The following CCNT2 variants were observed in gnomAD, a reference collection of about 807,000 sequenced individuals.
The protein encoded by CCNT2 is cyclin-T2.
A neutral mutation model predicts 70.0 loss-of-function variants in CCNT2; 18 were observed. The observed-to-expected ratio is 0.26, with a 90% CI of 0.18 to 0.38. The LOEUF (loss-of-function observed/expected upper bound fraction) is 0.38, where lower values mean the gene tolerates loss of function less well. CCNT2 is among the 10% of genes least tolerant of loss of function. The probability of loss-of-function intolerance (pLI) is 1.00; values close to 1 mark genes in which losing one functional copy is unlikely to be tolerated. For synonymous variants in CCNT2, 334 were observed against 313.3 expected (o/e 1.07, Z -0.70); for missense variants, 734 against 890.2 (o/e 0.82, Z 2.23).
rs1242141528 is a variant in CCNT2 at position 134,950,474 on chromosome 2, A to G, written c.704-2167A>G. On this transcript the variant is annotated intron_variant, in intron 7 of 8. Transcript: ENST00000264157. The stretch of plus-strand genomic sequence containing the variant: ...AGCAACATGGCAAAACCACGTTTCT[A>G]CTAAAAATACACACAAACCGGGCAT... Among the ~76,000 whole-genome samples, 4 of 152,262 alleles carry G rather than the reference A, an allele frequency of 2.6e-5. No homozygotes were observed. In the East Asian group the frequency reaches 7.7e-4, roughly 29 times the overall value.
At chr2:134,928,396 A>G (rs952077969) in intron 2 of CCNT2, among the ~76,000 whole-genome samples, 1 of 148,970 alleles carries the variant, frequency 6.7e-6, no homozygotes, top group African/African-American at 2.5e-5. Flanking sequence ...CTCTTGCCTC[A>G]GCCTCCCAAG....
chr2:134,935,364 C>T (rs1681071313), intron 2 of CCNT2, among the ~76,000 whole-genome samples: 2 of 152,232 alleles, frequency 1.3e-5, no homozygotes, highest in Non-Finnish European at 2.9e-5. Flanking sequence ...TTCATTTACA[C>T]ATCTGCAAAT....
intron 2 of CCNT2, among the ~76,000 whole-genome samples, chr2:134,927,030 A>C (rs1187178245): frequency 1.3e-5 from 2 of 152,226 alleles, no homozygotes; most frequent in Non-Finnish European, 2.9e-5. Context: ...GTGTAAGATG[A>C]AGTTGATTTT....
intron 1 of CCNT2, 115 bp downstream of exon 1, chr2:134,919,127 C>T (rs143090480): frequency 5.8e-6 from 7 of 1,208,612 alleles, no homozygotes; most frequent in South Asian, 3.0e-5. Flanking sequence ...CTCGGCGCCG[C>T]GGTCAGGGAA....
chr2:134,926,626 C>T (rs1680321210), intron 2 of CCNT2, among the ~76,000 whole-genome samples: 1 of 152,252 alleles, frequency 6.6e-6, no homozygotes, highest in African/African-American at 2.4e-5. Context: ...CCATGATTTC[C>T]AGTGAATGTC....
intron 4 of CCNT2, among the ~76,000 whole-genome samples, chr2:134,940,730 T>TA (rs1681520936): frequency 6.6e-6 from 1 of 152,168 alleles, no homozygotes; most frequent in Non-Finnish European, 1.5e-5. Context: ...TTCTGGCATA[T>TA]TTTTACCGTA....
intron 7 of CCNT2, among the ~76,000 whole-genome samples, chr2:134,952,378 G>GA (rs1682587285): frequency 6.6e-6 from 1 of 151,256 alleles, no homozygotes; most frequent in Admixed American, 6.6e-5. Context: ...TATTGGGGGG[G>GA]TGATTATTTT....
chr2:134,947,477 T>G (rs1309293434), intron 6 of CCNT2, among the ~76,000 whole-genome samples: 2 of 152,156 alleles, frequency 1.3e-5, no homozygotes, highest in Non-Finnish European at 2.9e-5. Flanking sequence ...TACTTCAATT[T>G]TAGATGTAAA....
intron 2 of CCNT2, among the ~76,000 whole-genome samples, chr2:134,927,973 C>T (rs961929121): frequency 3.3e-5 from 5 of 152,174 alleles, no homozygotes; most frequent in Admixed American, 2.0e-4. Context: ...GGAGCTGATA[C>T]AGAAAAGAAA....
chr2:134,922,438 A>G (rs2105010464), intron 2 of CCNT2, among the ~76,000 whole-genome samples: 2 of 152,362 alleles, frequency 1.3e-5, no homozygotes, highest in South Asian at 4.1e-4. Flanking sequence ...TAAGAATAAA[A>G]TCAGTATCAG....
chr2:134,936,169 G>T (rs1681139111), intron 2 of CCNT2, among the ~76,000 whole-genome samples: 1 of 147,374 alleles, frequency 6.8e-6, no homozygotes. Context: ...TTTTTTTTCA[G>T]GTATAGCATC....
chr2:134,953,765 A>G lies in CCNT2; in HGVS notation c.1310A>G (p.Asp437Gly), dbSNP rs780955003. 1.9e-6 allele frequency: 3 copies of G among 1,614,130 alleles called. No individual in the cohort carries two copies. Among genetic ancestry groups the G allele is most frequent in the South Asian group, 2.2e-5 (2 of 91,084 alleles). Residue 437 changes from aspartate (D) to glycine (G), a missense_variant, in exon 9 of 9, where the codon GAT becomes GGT. Coordinates refer to ENST00000264157, the MANE Select transcript of CCNT2 (RefSeq NM_058241.3). ...ATAATTCCTCAGAAAATGTCTTTAG[A>G]TAAATATAGAGAAAAGCGTAAACTA... ...PGIIPQKMSL[D>G]KYREKRKLET... is the part of the protein sequence containing the mutation.
chr2:134,953,167 A>G, intron 8 of CCNT2, 63 bp from the exon 9 acceptor site: 1 of 1,166,648 alleles, frequency 8.6e-7, no homozygotes. Context: ...CTTTTATAAG[A>G]CAAGAAATTT....
chr2:134,947,416 A>C lies in CCNT2; in HGVS notation c.540-320A>C, dbSNP rs568959412. On this transcript the variant is annotated intron_variant, in intron 6 of 8. Transcript: ENST00000264157. The stretch of plus-strand genomic sequence containing the variant: ...AATACCACAAAAAATTTACAGTGTT[A>C]TCTATATAGTGATTATTGCAAATAT... 3.3e-5 allele frequency among the ~76,000 whole-genome samples: 5 copies of C among 152,312 alleles called. No homozygotes were observed. The South Asian group carries it at 1.0e-3, about 32-fold the overall frequency.
rs138252014 is a variant in CCNT2, at chr2:134,937,096, G to T, written c.369+127G>T. The T allele has an allele frequency of 5.2e-4, 292 of 556,958 alleles. 1 individual carries two copies. The highest frequency in any genetic ancestry group is 5.0e-3 in the African/African-American group (260 of 51,590). The allele number at this position is 556,958 out of a possible 1,614,324, so 34.5% of individuals were successfully genotyped here. A position where few individuals can be genotyped will look rare whatever the true frequency, so the allele number is the denominator to read the frequency against. On this transcript the variant is annotated intron_variant, in intron 3 of 8. Transcript: ENST00000264157. ...ATGCTGCTTGTTTTATTACCTCTTAGGAATGCAATGCCAGGAAGCAGTCTG... is the reference window on the plus strand; with the variant it reads ...ATGCTGCTTGTTTTATTACCTCTTATGAATGCAATGCCAGGAAGCAGTCTG...
Position 134,954,924 on chromosome 2 carries a change from G to A in CCNT2, c.*276G>A, listed in dbSNP as rs1203521258. 3.1e-6 allele frequency: 1 copy of A among 324,852 alleles called. No homozygotes were observed. Among genetic ancestry groups the A allele is most frequent in the Non-Finnish European group, 5.7e-6 (1 of 176,648 alleles). The allele number at this position is 324,852 out of a possible 1,614,324, so 20.1% of individuals were successfully genotyped here. ...CTAAGAACATTAGGATGAATGGCTGGCTGCTTCTAGGAATATAAGATGCCT... is the reference window on the plus strand; with the variant it reads ...CTAAGAACATTAGGATGAATGGCTGACTGCTTCTAGGAATATAAGATGCCT... On this transcript the variant is annotated 3_prime_UTR_variant, in exon 9 of 9. Transcript: ENST00000264157.
Position 134,956,407 on chromosome 2 carries a change from G to C in CCNT2, c.*1759G>C, listed in dbSNP as rs892113850. On this transcript the variant is annotated 3_prime_UTR_variant, in exon 9 of 9. Transcript: ENST00000264157. ...GTAGCATGTCCTAACATTTGTTCTG[G>C]TCTTGCATAACTTCAGTAATCTTTG... 5 of 152,400 alleles carry C rather than the reference G, an allele frequency of 3.3e-5. No individual in the cohort carries two copies. Among genetic ancestry groups the C allele is most frequent in the Non-Finnish European group, 7.4e-5 (5 of 67,992 alleles). 9.4% of individuals were successfully genotyped at this position (152,400 alleles called of 1,614,324 possible).
chr2:134,943,852 C>G, intron 5 of CCNT2: 1 of 984,558 alleles, frequency 1.0e-6, no homozygotes, highest in Non-Finnish European at 1.2e-6. Flanking sequence ...TTTGCAGTTT[C>G]ATTCATTTAC....
chr2:134,944,068 T>C, intron 5 of CCNT2: 2 of 985,010 alleles, frequency 2.0e-6, no homozygotes, highest in Non-Finnish European at 1.2e-6. Flanking sequence ...AAAATCTAAT[T>C]TGTATTTTTT....
Sources: allele counts gnomAD v4.1 joint callset (sites outside exome capture counted in the v4.1 genomes callset), GRCh38; gene constraint gnomAD v4.1.1; transcripts MANE v1.5; gene names NCBI Gene and HGNC (gene_info 2026-07-23, HGNC 2026-07-21).